CPQ: variants seen among roughly 807,000 people sequenced by gnomAD.
CPQ encodes the protein Ser-Met dipeptidase.
CPQ carries 37 observed loss-of-function variants against 45.7 expected under a neutral mutation model. The observed-to-expected ratio is 0.81, with a 90% CI of 0.62 to 1.07. The LOEUF is 1.07. Ranked by LOEUF, CPQ falls within the 50% of genes least tolerant of loss-of-function variation. The pLI is 0.00. For synonymous variants in CPQ, 186 were observed against 205.8 expected, an observed-to-expected ratio of 0.90 and a Z score of 0.82; for missense variants, 537 against 572.9, an observed-to-expected ratio of 0.94 and a Z score of 0.64.
intron 4 of CPQ, among the ~76,000 whole-genome samples, chr8:96,953,808 C>A (rs891471365): frequency 1.3e-5 from 2 of 152,100 alleles, no homozygotes; most frequent in Non-Finnish European, 2.9e-5. Flanking sequence ...TGTTGCCAGA[C>A]AGACCGCTAT....
Position 97,135,132 on chromosome 8 carries a change from G to A in CPQ, c.1256-7888G>A, listed in dbSNP as rs150357081. 2.4e-3 allele frequency among the ~76,000 whole-genome samples: 368 copies of A among 152,336 alleles called. 3 individuals carry two copies. Among genetic ancestry groups the A allele is most frequent in the African/African-American group, 8.6e-3 (358 of 41,578 alleles). ...CCATAGCCAAGCCAAGGTTTCCAAA[G>A]AGATAGAAGGTACATGGGCTTAGTG... is the stretch of plus-strand genomic sequence containing the variant. On this transcript the variant is annotated intron_variant, in intron 7 of 7. Transcript: ENST00000220763.
intron 1 of CPQ, among the ~76,000 whole-genome samples, chr8:96,717,579 A>AT (rs1469730340): frequency 4.6e-5 from 7 of 150,808 alleles, no homozygotes; most frequent in East Asian, 2.0e-4. Context: ...AAATTTTAGG[A>AT]TTTTTTTTTC....
At chr8:96,780,278 T>G (rs1810669831) in intron 1 of CPQ, among the ~76,000 whole-genome samples, 1 of 152,168 alleles carries the variant, frequency 6.6e-6, no homozygotes, top group Admixed American at 6.5e-5. Context: ...AGTGAGCCTT[T>G]ACAGAAAAGG....
chr8:96,722,489 A>G (rs774621957), intron 1 of CPQ, among the ~76,000 whole-genome samples: 1 of 152,044 alleles, frequency 6.6e-6, no homozygotes, highest in Admixed American at 6.6e-5. Context: ...CGTAGTTAGG[A>G]TAGAGACATA....
intron 6 of CPQ, among the ~76,000 whole-genome samples, chr8:97,040,060 T>C (rs1810088714): frequency 1.3e-5 from 2 of 151,366 alleles, no homozygotes; most frequent in East Asian, 3.9e-4. Context: ...ATCGCCACAC[T>C]GACTTCCACA....
chr8:96,926,812 T>C (rs1812898111), intron 4 of CPQ, among the ~76,000 whole-genome samples: 2 of 151,998 alleles, frequency 1.3e-5, no homozygotes. Context: ...TTTCTCCTAA[T>C]GCTATCCCTC....
At chr8:96,726,813 C>A (rs1469711381) in intron 1 of CPQ, among the ~76,000 whole-genome samples, 2 of 152,136 alleles carry the variant, frequency 1.3e-5, no homozygotes, top group African/African-American at 2.4e-5. Context: ...CCTGAGCAAA[C>A]ACTTTTGACC....
At chr8:96,818,105 G>A (rs1264994178) in intron 2 of CPQ, among the ~76,000 whole-genome samples, 2 of 151,932 alleles carry the variant, frequency 1.3e-5, no homozygotes, top group Non-Finnish European at 2.9e-5. Flanking sequence ...AGAGGCCATC[G>A]TAGGTTATTA....
intron 4 of CPQ, among the ~76,000 whole-genome samples, chr8:96,911,287 A>G (rs910575985): frequency 1.3e-5 from 2 of 152,144 alleles, no homozygotes; most frequent in Admixed American, 1.3e-4. Context: ...TACTTCAAAA[A>G]TGCACCTCAT....
chr8:96,937,193 T>C (rs1813064558), intron 4 of CPQ, among the ~76,000 whole-genome samples: 1 of 152,102 alleles, frequency 6.6e-6, no homozygotes, highest in African/African-American at 2.4e-5. Context: ...ATAGAGGAAG[T>C]ACACAGTGCC....
intron 7 of CPQ, among the ~76,000 whole-genome samples, chr8:97,112,001 G>A (rs550684213): frequency 2.0e-4 from 30 of 152,168 alleles, no homozygotes; most frequent in African/African-American, 7.2e-4. Context: ...CCTGGAAAAT[G>A]GCAGCTGGAG....
intron 4 of CPQ, among the ~76,000 whole-genome samples, chr8:96,940,706 C>T (rs762206665): frequency 6.6e-6 from 1 of 152,154 alleles, no homozygotes; most frequent in Non-Finnish European, 1.5e-5. Context: ...CAAATCAATA[C>T]TCTAAAATGT....
chr8:97,050,511 A>C (rs1810341958), intron 6 of CPQ, among the ~76,000 whole-genome samples: 1 of 152,186 alleles, frequency 6.6e-6, no homozygotes, highest in Non-Finnish European at 1.5e-5. Context: ...TCTTACATTT[A>C]GGGAAATATG....
At chr8:96,717,004 G>T (rs1809682905) in intron 1 of CPQ, among the ~76,000 whole-genome samples, 1 of 126,282 alleles carries the variant, frequency 7.9e-6, no homozygotes. Flanking sequence ...TTTTATGGCT[G>T]AGCAGTATTC....
At chr8:96,934,557 A>G (rs1193332005) in intron 4 of CPQ, among the ~76,000 whole-genome samples, 3 of 152,090 alleles carry the variant, frequency 2.0e-5, no homozygotes, top group Non-Finnish European at 4.4e-5. Flanking sequence ...GATAGTCAGG[A>G]CTGGTTCTGG....
At chr8:96,933,328 T>G (rs1232425450) in intron 4 of CPQ, among the ~76,000 whole-genome samples, 1 of 152,180 alleles carries the variant, frequency 6.6e-6, no homozygotes, top group East Asian at 1.9e-4. Flanking sequence ...CCAGGCCCAT[T>G]TGTTCTTCCT....
At chr8:96,920,274 A>G (rs1443328038) in intron 4 of CPQ, among the ~76,000 whole-genome samples, 1 of 152,170 alleles carries the variant, frequency 6.6e-6, no homozygotes, top group Non-Finnish European at 1.5e-5. Flanking sequence ...ACTGAGCCCT[A>G]TTAAATTGAA....
chr8:96,991,820 T>A, intron 5 of CPQ, among the ~76,000 whole-genome samples: 1 of 152,134 alleles, frequency 6.6e-6, no homozygotes, highest in Non-Finnish European at 1.5e-5. Flanking sequence ...ATGTTTGATG[T>A]TGTTGTTATG....
At chr8:96,721,010 A>G (rs1037617254) in intron 1 of CPQ, among the ~76,000 whole-genome samples, 8 of 151,788 alleles carry the variant, frequency 5.3e-5, no homozygotes, top group Non-Finnish European at 7.4e-5. Context: ...TCTTCCAACA[A>G]TGCTCAAAAT....
Sources: allele counts gnomAD v4.1 joint callset (sites outside exome capture counted in the v4.1 genomes callset), GRCh38; gene constraint gnomAD v4.1.1; transcripts MANE v1.5; gene names NCBI Gene and HGNC (gene_info 2026-07-23, HGNC 2026-07-21).